Variants in FST observed in about 807,000 individuals in gnomAD.
FST encodes the protein activin-binding protein.
A neutral mutation model predicts 38.4 loss-of-function variants in FST; 6 were observed. That is an observed-to-expected ratio of 0.16 (90% CI 0.09 to 0.31). The LOEUF is 0.31. Ranked by LOEUF, FST falls within the 10% of genes least tolerant of loss-of-function variation. The pLI is 1.00. For missense variants in FST, 301 were observed against 432.3 expected, an observed-to-expected ratio of 0.70 and a Z score of 2.69; for synonymous variants, 157 against 169.8, an observed-to-expected ratio of 0.92 and a Z score of 0.59.
In FST at chr5:53,483,775, T is replaced by C; in HGVS notation, c.496+53T>C. The C allele has an allele frequency of 3.0e-6, 4 of 1,339,866 alleles. No individual in the cohort carries two copies. The South Asian group carries it at 3.7e-5, about 12-fold the overall frequency. 83.0% of individuals were successfully genotyped at this position (1,339,866 alleles called of 1,614,324 possible). A position where few individuals can be genotyped will look rare whatever the true frequency, so the allele number is the denominator to read the frequency against. On this transcript the variant is annotated intron_variant, in intron 3 of 5. Coordinates refer to ENST00000256759, the MANE Select transcript of FST (RefSeq NM_013409.3). This position sits in a 1 kb window ranked among gnomAD's most constrained non-coding sequence, Gnocchi z 4.1. ...GGATCTGTCCCCTCCTCCAGCTTTG[T>C]ACCTAAAGTAGACCCTCTAGAAGAC...
Position 53,485,153 on chromosome 5 carries a change from G to T in FST, c.878G>T (p.Ser293Ile). 6.2e-7 allele frequency: 1 copy of T among 1,613,626 alleles called. No homozygotes were observed. The highest frequency in any genetic ancestry group is 8.5e-7 in the Non-Finnish European group (1 of 1,179,554). Residue 293 changes from serine (S) to isoleucine (I), a missense_variant, in exon 5 of 6, where the codon AGC becomes ATC. Transcript: ENST00000256759. ...GCCAGTGACAATGCCACTTATGCCA[G>T]CGAGTGTGCCATGAAGGAAGCTGCC... is the stretch of plus-strand genomic sequence containing the variant. ...VCASDNATYA[S>I]ECAMKEAACS...
chr5:53,482,967 C>T lies in FST; in HGVS notation c.173C>T (p.Thr58Ile), dbSNP rs767113188. The T allele has an allele frequency of 2.1e-5, 34 of 1,612,970 alleles. No individual in the cohort carries two copies. Among genetic ancestry groups the T allele is most frequent in the Non-Finnish European group, 2.7e-5 (32 of 1,178,952 alleles). ...TELSKEECCS[T>I]GRLSTSWTEE... ...CTGAGCAAGGAGGAGTGCTGCAGCA[C>T]CGGCCGGCTGAGCACCTCGTGGACC... The change falls in exon 2 of 6, where the codon ACC becomes ATC. Residue 58 changes from threonine (T) to isoleucine (I), a missense_variant. By Grantham distance (89) the Thr-to-Ile change is moderately conservative. Coordinates refer to ENST00000256759, the MANE Select transcript of FST (RefSeq NM_013409.3).
Position 53,485,213 on chromosome 5 carries a change from C to G in FST, c.938C>G (p.Ser313Cys). Residue 313 changes from serine (S) to cysteine (C), a missense_variant, in exon 5 of 6, where the codon TCC (serine) becomes TGC (cysteine). Ser to Cys is a moderately radical substitution (Grantham distance 112, BLOSUM62 -1). Transcript: ENST00000256759. ...SSGVLLEVKH[S>C]GSCNSISEDT... The stretch of plus-strand genomic sequence containing the variant: ...GGTGTGCTACTGGAAGTAAAGCACT[C>G]CGGATCTTGCAACTGTAAGTGCGAT... The G allele has an allele frequency of 6.3e-7, 1 of 1,590,832 alleles. No homozygotes were observed. Among genetic ancestry groups the G allele is most frequent in the Non-Finnish European group, 8.6e-7 (1 of 1,159,248 alleles).
chr5:53,481,814 A>G (rs1204986373), intron 1 of FST, among the ~76,000 whole-genome samples: 1 of 152,184 alleles, frequency 6.6e-6, no homozygotes, highest in East Asian at 1.9e-4. Flanking sequence ...ACTTGCAAAT[A>G]TTTCTTGCTA....
intron 5 of FST, 43 bp from the exon 6 acceptor site, chr5:53,485,908 T>G: frequency 6.2e-7 from 1 of 1,605,226 alleles, no homozygotes; most frequent in Non-Finnish European, 8.5e-7. Flanking sequence ...GCGCTGTTGT[T>G]GTCCGTATTT....
chr5:53,486,168 T>C lies in FST; in HGVS notation c.*135T>C, dbSNP rs1449618303. On this transcript the variant is annotated 3_prime_UTR_variant, in exon 6 of 6. Coordinates refer to ENST00000256759, the MANE Select transcript of FST (RefSeq NM_013409.3). ...GCTTATTTATTTGGGGGGAAAACTA[T>C]ACATTAAAGGACCTTTGTCCTAAAG... 6 of 537,504 alleles carry C rather than the reference T, an allele frequency of 1.1e-5. No individual in the cohort carries two copies. The highest frequency in any genetic ancestry group is 4.0e-5 in the African/African-American group (2 of 49,656). The allele number at this position is 537,504 out of a possible 1,614,324, so 33.3% of individuals were successfully genotyped here.
rs1747484347 is a variant in FST at position 53,485,303 on chromosome 5, A to G, written c.952+76A>G. ...CCTAGGGAATGGACACTTACAAAGC[A>G]CGCAGATCTCCCATAAATCCATTTC... On this transcript the variant is annotated intron_variant, in intron 5 of 5. Coordinates refer to ENST00000256759, the MANE Select transcript of FST (RefSeq NM_013409.3). The G allele has an allele frequency of 3.9e-6, 3 of 772,792 alleles. No homozygotes were observed. In the South Asian group the frequency reaches 4.3e-5, roughly 11 times the overall value. 47.9% of individuals were successfully genotyped at this position (772,792 alleles called of 1,614,324 possible).
At chr5:53,480,992 C>A in intron 1 of FST, 116 bp downstream of exon 1, 1 of 403,898 alleles carries the variant, frequency 2.5e-6, no homozygotes, top group South Asian at 4.6e-5. Flanking sequence ...GTTGAACCAA[C>A]TTGGGGACTC....
intron 1 of FST, chr5:53,482,614 C>T (rs1007608819): frequency 2.2e-6 from 1 of 464,562 alleles, no homozygotes. Flanking sequence ...GCTGGGGCGC[C>T]CTGTCTTCTC....
chr5:53,485,111 C>T lies in FST; in HGVS notation c.836C>T (p.Ser279Leu), dbSNP rs202174134. 4 of 1,611,302 alleles carry T rather than the reference C, an allele frequency of 2.5e-6. No individual in the cohort carries two copies. In the South Asian group the frequency reaches 3.3e-5, roughly 13 times the overall value. ...GATGAGCTGTGCCCTGACAGTAAGT[C>T]GGATGAGCCTGTCTGTGCCAGTGAC... ...LCDELCPDSKSDEPVCASDNA... is the reference protein window; with the variant it reads ...LCDELCPDSKLDEPVCASDNA... The change falls in exon 5 of 6, where the codon TCG (serine) becomes TTG (leucine). Residue 279 changes from serine to leucine, a missense_variant. Physicochemically the swap from Ser to Leu is moderately radical, Grantham distance 145 (BLOSUM62 -2). Coordinates refer to ENST00000256759, the MANE Select transcript of FST (RefSeq NM_013409.3).
At chr5:53,485,532 T>A (rs1043925619) in intron 5 of FST, among the ~76,000 whole-genome samples, 1 of 140,766 alleles carries the variant, frequency 7.1e-6, no homozygotes, top group African/African-American at 2.7e-5. Context: ...GAGTCTAAAC[T>A]AACTGCTTCA....
intron 1 of FST, 85 bp from the exon 2 acceptor site, chr5:53,482,795 T>TAGC: frequency 1.4e-6 from 1 of 709,990 alleles, no homozygotes; most frequent in Non-Finnish European, 2.4e-6. Flanking sequence ...CCCCGCCGGG[T>TAGC]CTCCTTCGCT....
In FST at chr5:53,485,098, C is replaced by T; in HGVS notation, c.823C>T (p.Pro275Ser). ...GRCSLCDELC[P>S]DSKSDEPVCA... Reference sequence around the variant, plus strand: ...GTGTTCCCTCTGTGATGAGCTGTGCCCTGACAGTAAGTCGGATGAGCCTGT... The same window carrying T: ...GTGTTCCCTCTGTGATGAGCTGTGCTCTGACAGTAAGTCGGATGAGCCTGT... The change falls in exon 5 of 6, where the codon CCT becomes TCT. Residue 275 changes from proline (P) to serine (S), a missense_variant. Coordinates refer to ENST00000256759, the MANE Select transcript of FST (RefSeq NM_013409.3). 2 of 1,611,434 alleles carry T rather than the reference C, an allele frequency of 1.2e-6. No homozygotes were observed. Among genetic ancestry groups the T allele is most frequent in the Non-Finnish European group, 1.7e-6 (2 of 1,177,620 alleles).
At position 53,484,795 on chromosome 5, in the gene FST, A is replaced by G. The variant is rs1339160513; in HGVS notation, c.722-202A>G. 2.0e-5 allele frequency among the ~76,000 whole-genome samples: 3 copies of G among 152,186 alleles called. No homozygotes were observed. The East Asian group carries it at 5.8e-4, about 29-fold the overall frequency. ...AACTGCAGGGGTTTTGTGCGTGTGT[A>G]TGTGTGTGTGCATTTGAGTTTCAGT... On this transcript the variant is annotated intron_variant, in intron 4 of 5. Coordinates refer to ENST00000256759, the MANE Select transcript of FST (RefSeq NM_013409.3).
At position 53,483,165 on chromosome 5, in the gene FST, G is replaced by T; in HGVS notation, c.277+94G>T. The T allele has an allele frequency of 1.2e-6, 1 of 849,924 alleles. No homozygotes were observed. The allele number at this position is 849,924 out of a possible 1,614,324, so 52.6% of individuals were successfully genotyped here. On this transcript the variant is annotated intron_variant, in intron 2 of 5. Coordinates refer to ENST00000256759, the MANE Select transcript of FST (RefSeq NM_013409.3). The surrounding 1 kb of genome is among the most constrained non-coding windows in gnomAD (Gnocchi z 4.1). Reference sequence around the variant, plus strand: ...CTGACTGGGGTTTGGGAGTAGGAGAGCTTTGTTCCTGGGCTTCCCCTTCCT... The same window carrying T: ...CTGACTGGGGTTTGGGAGTAGGAGATCTTTGTTCCTGGGCTTCCCCTTCCT...
Position 53,486,009 on chromosome 5 carries a change from T to C in FST, c.1011T>C (p.Pro337=), listed in dbSNP as rs767584936. 8.2e-6 allele frequency: 13 copies of C among 1,581,590 alleles called. No homozygotes were observed. Among genetic ancestry groups the C allele is most frequent in the Middle Eastern group, 1.7e-4 (1 of 5,978 alleles). Residue 337 remains proline (P), a synonymous_variant, in exon 6 of 6, where the codon CCT becomes CCC. Coordinates refer to ENST00000256759, the MANE Select transcript of FST (RefSeq NM_013409.3). ...EEDEDQDYSF[P]ISSILEW Reference sequence around the variant, plus strand: ...ATGAAGACCAGGACTACAGCTTTCCTATATCTTCTATTCTAGAGTGGTAAA... The same window carrying C: ...ATGAAGACCAGGACTACAGCTTTCCCATATCTTCTATTCTAGAGTGGTAAA...
At chr5:53,482,070 G>A (rs937401244) in intron 1 of FST, among the ~76,000 whole-genome samples, 1 of 152,262 alleles carries the variant, frequency 6.6e-6, no homozygotes, top group African/African-American at 2.4e-5. Flanking sequence ...GAAAGATCGC[G>A]GTGGCCGCGG....
Position 53,483,445 on chromosome 5 carries a change from T to C in FST, c.278-59T>C. ...TTGCGCAAGGCACCCGAAGCCCTCCTGGCTGACCTGCAGACTGCCTGGCTC... is the reference window on the plus strand; with the variant it reads ...TTGCGCAAGGCACCCGAAGCCCTCCCGGCTGACCTGCAGACTGCCTGGCTC... On this transcript the variant is annotated intron_variant, in intron 2 of 5. Transcript: ENST00000256759. This position sits in a 1 kb window ranked among gnomAD's most constrained non-coding sequence, Gnocchi z 4.1. 1 of 1,405,424 alleles carries C rather than the reference T, an allele frequency of 7.1e-7. No individual in the cohort carries two copies. Among genetic ancestry groups the C allele is most frequent in the Non-Finnish European group, 1.0e-6 (1 of 997,340 alleles). 87.1% of individuals were successfully genotyped at this position (1,405,424 alleles called of 1,614,324 possible).
At chr5:53,482,312 TTTTC>T (rs776578377) in intron 1 of FST, among the ~76,000 whole-genome samples, 106 of 150,126 alleles carry the variant, frequency 7.1e-4, no homozygotes, top group Admixed American at 1.1e-3. Context: ...CTCTTCTTTC[TTTTC>T]TTTCTTTCTT....
Sources: gnomAD v4.1 joint callset for allele counts (sites outside exome capture counted in the v4.1 genomes callset) on GRCh38, gnomAD v4.1.1 for gene constraint, Gnocchi (gnomAD v3.1) non-coding constraint, MANE v1.5 for transcripts, NCBI Gene and HGNC (gene_info 2026-07-23, HGNC 2026-07-21) for gene names.